Variants in OSBPL6 observed in about 807,000 individuals in gnomAD.
The protein encoded by OSBPL6 is oxysterol-binding protein-related protein 6.
OSBPL6 carries 49 observed loss-of-function variants against 125.8 expected under a neutral mutation model. The observed-to-expected ratio is 0.39, with a 90% CI of 0.31 to 0.49. The LOEUF (loss-of-function observed/expected upper bound fraction) is 0.49. OSBPL6 is among the 20% of genes least tolerant of loss of function. OSBPL6 has a pLI of 0.88. For synonymous variants in OSBPL6, 394 were observed against 391.8 expected, an observed-to-expected ratio of 1.01 and a Z score of -0.07; for missense variants, 986 against 1,135.4, an observed-to-expected ratio of 0.87 and a Z score of 1.89.
chr2:178,224,353 A>G (rs962014910), intron 1 of OSBPL6, among the ~76,000 whole-genome samples: 2 of 151,848 alleles, frequency 1.3e-5, no homozygotes, highest in Non-Finnish European at 2.9e-5. Flanking sequence ...TTATGTTTAG[A>G]AAAAAAAATC....
At chr2:178,324,125 C>A in intron 3 of OSBPL6, 52 bp from the exon 4 acceptor site, 1 of 1,190,460 alleles carries the variant, frequency 8.4e-7, no homozygotes, top group Non-Finnish European at 1.2e-6. Context: ...CATGCACATT[C>A]ACATGAAAAG....
intron 1 of OSBPL6, among the ~76,000 whole-genome samples, chr2:178,246,803 G>A (rs932879021): frequency 3.3e-5 from 5 of 152,272 alleles, no homozygotes; most frequent in Admixed American, 3.3e-4. Context: ...TGCTTCTAGA[G>A]TTACCTTCCT....
chr2:178,293,935 T>C (rs1022701361), intron 2 of OSBPL6, among the ~76,000 whole-genome samples: 1 of 152,032 alleles, frequency 6.6e-6, no homozygotes, highest in African/African-American at 2.4e-5. Context: ...ATACCTTATA[T>C]AAAATTAACT....
Position 178,339,091 on chromosome 2 carries a change from G to A in OSBPL6, c.891G>A (p.Met297Ile), listed in dbSNP as rs773791441. The change falls in exon 10 of 25, where the codon ATG becomes ATA. Residue 297 changes from methionine to isoleucine, a missense_variant. Physicochemically the swap from Met to Ile is conservative, Grantham distance 10. Around this residue, in one of 3 missense-constraint regions of OSBPL6, gnomAD observed 843 missense variants for 997.3 expected, o/e 0.85. Coordinates refer to ENST00000190611, the MANE Select transcript of OSBPL6 (RefSeq NM_032523.4). Reference sequence around the variant, plus strand: ...AGTCGGCACCTAACTTTACTGACATGCAGGTAAACATATTCCTGCTGCTGG... The same window carrying A: ...AGTCGGCACCTAACTTTACTGACATACAGGTAAACATATTCCTGCTGCTGG... ...RTQSAPNFTD[M>I]QANCVDISKK... is the part of the protein sequence containing the mutation. 38 of 1,589,722 alleles carry A rather than the reference G, an allele frequency of 2.4e-5. No individual in the cohort carries two copies. The East Asian group carries it at 8.5e-4, about 36-fold the overall frequency.
intron 2 of OSBPL6, among the ~76,000 whole-genome samples, 160 bp downstream of exon 2, chr2:178,285,281 TATA>T (rs1285314110): frequency 6.6e-6 from 1 of 152,198 alleles, no homozygotes; most frequent in African/African-American, 2.4e-5. Flanking sequence ...TCATAATCCT[TATA>T]ATAAAAAGTT....
intron 1 of OSBPL6, among the ~76,000 whole-genome samples, chr2:178,245,456 A>G (rs1444222066): frequency 6.6e-6 from 1 of 152,242 alleles, no homozygotes; most frequent in Non-Finnish European, 1.5e-5. Flanking sequence ...GGTATAGGAC[A>G]TAGAAAGAAT....
In OSBPL6 at chr2:178,204,204, G is replaced by C. The variant is rs147126880; in HGVS notation, c.-351+9530G>C. On this transcript the variant is annotated intron_variant, in intron 1 of 24. Coordinates refer to ENST00000190611, the MANE Select transcript of OSBPL6 (RefSeq NM_032523.4). ...ACACCCAGGTAAGTTTTGCATTTTA[G>C]TAGAGAGGGTGGTTACACCATGTTG... Among the ~76,000 whole-genome samples, 34 of 152,030 alleles carry C rather than the reference G, an allele frequency of 2.2e-4. No homozygotes were observed. In the South Asian group the frequency reaches 3.3e-3, roughly 15 times the overall value.
intron 1 of OSBPL6, among the ~76,000 whole-genome samples, chr2:178,282,868 G>A (rs905035140): frequency 6.6e-6 from 1 of 152,148 alleles, no homozygotes. Context: ...GGCCAAGCTG[G>A]TCTCGATCTC....
chr2:178,220,517 G>A (rs1439035835), intron 1 of OSBPL6, among the ~76,000 whole-genome samples: 1 of 152,012 alleles, frequency 6.6e-6, no homozygotes, highest in Non-Finnish European at 1.5e-5. Flanking sequence ...TGTTGCCCAG[G>A]CTGGTCTTGA....
At chr2:178,302,407 C>CT (rs965541861) in intron 2 of OSBPL6, among the ~76,000 whole-genome samples, 22 of 151,866 alleles carry the variant, frequency 1.4e-4, no homozygotes, top group African/African-American at 2.2e-4. Context: ...GTAGAGATGA[C>CT]TTTTTTTTAT....
chr2:178,306,183 C>G lies in OSBPL6; in HGVS notation c.-2C>G, dbSNP rs540460303. 7 of 1,602,998 alleles carry G rather than the reference C, an allele frequency of 4.4e-6. No homozygotes were observed. The highest frequency in any genetic ancestry group is 6.0e-6 in the Non-Finnish European group (7 of 1,170,080). Reference sequence around the variant, plus strand: ...GCATAAAACGAGACTCTAACTGCAGCGATGAGTTCAGATGAGAAGGGCATT... The same window carrying G: ...GCATAAAACGAGACTCTAACTGCAGGGATGAGTTCAGATGAGAAGGGCATT... On this transcript the variant is annotated 5_prime_UTR_variant, in exon 3 of 25. Transcript: ENST00000190611.
intron 1 of OSBPL6, among the ~76,000 whole-genome samples, chr2:178,271,519 G>A (rs1243518727): frequency 6.6e-6 from 1 of 151,916 alleles, no homozygotes; most frequent in Non-Finnish European, 1.5e-5. Flanking sequence ...ATTCAGCCAG[G>A]GTTATTCAGT....
chr2:178,282,745 G>T (rs1434357117), intron 1 of OSBPL6, among the ~76,000 whole-genome samples: 1 of 152,114 alleles, frequency 6.6e-6, no homozygotes, highest in Non-Finnish European at 1.5e-5. Context: ...TCTACCTCCC[G>T]GTTTCAAGCG....
At chr2:178,288,535 A>G (rs1165225985) in intron 2 of OSBPL6, among the ~76,000 whole-genome samples, 1 of 152,200 alleles carries the variant, frequency 6.6e-6, no homozygotes, top group Admixed American at 6.5e-5. Context: ...CCTTGAATAC[A>G]TATCCAGTAA....
intron 1 of OSBPL6, among the ~76,000 whole-genome samples, chr2:178,261,405 AAAAC>A (rs1028157887): frequency 2.0e-5 from 3 of 152,168 alleles, no homozygotes; most frequent in African/African-American, 7.2e-5. Context: ...AAAAAAAAAA[AAAAC>A]AAGGAAGAAA....
chr2:178,331,638 G>A (rs1447238723), intron 6 of OSBPL6, 33 bp downstream of exon 6: 1 of 1,608,564 alleles, frequency 6.2e-7, no homozygotes, highest in Non-Finnish European at 8.5e-7. Flanking sequence ...TTCAAAGGTT[G>A]ATTTCGAATT....
chr2:178,231,204 G>GACA (rs2090802568), intron 1 of OSBPL6, among the ~76,000 whole-genome samples: 1 of 152,128 alleles, frequency 6.6e-6, no homozygotes, highest in African/African-American at 2.4e-5. Context: ...TTTACTTAGG[G>GACA]CCCTCCGGTT....
At position 178,398,330 on chromosome 2, in the gene OSBPL6, A is replaced by G. The variant is rs1216072768; in HGVS notation, c.*2771A>G. The G allele has an allele frequency of 6.6e-6, 1 of 152,172 alleles. No individual in the cohort carries two copies. The highest frequency in any genetic ancestry group is 1.5e-5 in the Non-Finnish European group (1 of 68,032). 9.4% of individuals were successfully genotyped at this position (152,172 alleles called of 1,614,324 possible). ...ATAGAGGAGAACATAATATGCCTGT[A>G]TACTTCTCCCATGGTTTATTCATAA... On this transcript the variant is annotated 3_prime_UTR_variant, in exon 25 of 25. Coordinates refer to ENST00000190611, the MANE Select transcript of OSBPL6 (RefSeq NM_032523.4).
intron 1 of OSBPL6, among the ~76,000 whole-genome samples, chr2:178,235,438 G>A (rs1251259186): frequency 2.5e-4 from 26 of 104,582 alleles, no homozygotes; most frequent in Non-Finnish European, 3.6e-4. Flanking sequence ...ACAAAGTCTC[G>A]CTGTGTCACC....
Sources: allele counts gnomAD v4.1 joint callset (sites outside exome capture counted in the v4.1 genomes callset), GRCh38; gene constraint gnomAD v4.1.1; regional missense constraint gnomAD v4.1.1; transcripts MANE v1.5; gene names NCBI Gene and HGNC (gene_info 2026-07-23, HGNC 2026-07-21).